Variants in ACACA observed in about 807,000 individuals in gnomAD.
ACACA encodes the protein acetyl-CoA carboxylase 1.
ACACA carries 103 observed loss-of-function variants against 296.1 expected under a neutral mutation model. That is an observed-to-expected ratio of 0.35 (90% CI 0.30 to 0.41). The LOEUF (loss-of-function observed/expected upper bound fraction) is 0.41, where lower values mean the gene tolerates loss of function less well. Among genes scored for constraint, ACACA ranks in the 10% least tolerant of loss-of-function variants. ACACA has a pLI of 1.00. For synonymous variants in ACACA, 953 were observed against 1,038.6 expected (o/e 0.92, Z 1.58); for missense variants, 1,554 against 2,989.7 (o/e 0.52, Z 11.20).
intron 50 of ACACA, 68 bp downstream of exon 50, chr17:37,121,287 A>G: frequency 6.2e-7 from 1 of 1,607,722 alleles, no homozygotes; most frequent in Non-Finnish European, 8.5e-7. Context: ...CTGAATCTAT[A>G]CCCTCCCTCT....
intron 28 of ACACA, among the ~76,000 whole-genome samples, chr17:37,222,940 TA>T (rs1567839515): frequency 6.6e-6 from 1 of 152,218 alleles, no homozygotes; most frequent in Non-Finnish European, 1.5e-5. Flanking sequence ...CTCTTCCACT[TA>T]TTATCTATGT....
intron 1 of ACACA, among the ~76,000 whole-genome samples, chr17:37,348,808 G>A (rs1050645794): frequency 6.6e-6 from 1 of 151,730 alleles, no homozygotes; most frequent in Non-Finnish European, 1.5e-5. Flanking sequence ...AATTAGCCGG[G>A]GGTGGTGGTG....
intron 39 of ACACA, among the ~76,000 whole-genome samples, chr17:37,186,365 A>G (rs1376078585): frequency 6.6e-6 from 1 of 152,216 alleles, no homozygotes; most frequent in Non-Finnish European, 1.5e-5. Flanking sequence ...ATTGTGATGT[A>G]AATTTCTTGA....
chr17:37,374,293 T>TC (rs2049914306), intron 1 of ACACA, among the ~76,000 whole-genome samples: 1 of 151,296 alleles, frequency 6.6e-6, no homozygotes, highest in African/African-American at 2.4e-5. Flanking sequence ...TCTTTTCTTT[T>TC]TTTTTTTTTT....
chr17:37,088,754 T>C (rs574946963), intron 55 of ACACA, among the ~76,000 whole-genome samples, 184 bp downstream of exon 55: 1 of 152,178 alleles, frequency 6.6e-6, no homozygotes, highest in African/African-American at 2.4e-5. Context: ...TGGGGAGCAG[T>C]AGCTGAAAAA....
chr17:37,304,973 T>C (rs2083803709), intron 3 of ACACA, among the ~76,000 whole-genome samples: 1 of 152,114 alleles, frequency 6.6e-6, no homozygotes, highest in Non-Finnish European at 1.5e-5. Flanking sequence ...TTTTTAAAAA[T>C]TATTTAAACA....
intron 45 of ACACA, among the ~76,000 whole-genome samples, chr17:37,148,101 G>A (rs976844827): frequency 2.0e-5 from 3 of 151,542 alleles, no homozygotes; most frequent in Admixed American, 2.0e-4. Flanking sequence ...GGTTTTTAAA[G>A]TACCATTATC....
intron 1 of ACACA, among the ~76,000 whole-genome samples, chr17:37,345,056 C>T (rs901249531): frequency 3.3e-5 from 5 of 152,112 alleles, no homozygotes; most frequent in African/African-American, 9.7e-5. Context: ...TTTCCCTAAT[C>T]GTCACCTTCC....
chr17:37,311,477 G>C (rs1304782231), intron 3 of ACACA, among the ~76,000 whole-genome samples: 1 of 151,530 alleles, frequency 6.6e-6, no homozygotes, highest in Non-Finnish European at 1.5e-5. Context: ...ATGAGAAGGA[G>C]AATACAGATA....
At chr17:37,223,288 CT>C (rs1478308863) in intron 28 of ACACA, among the ~76,000 whole-genome samples, 1 of 152,186 alleles carries the variant, frequency 6.6e-6, no homozygotes, top group Non-Finnish European at 1.5e-5. Flanking sequence ...ATGCTGGCAG[CT>C]ATTTTCCTGT....
intron 1 of ACACA, among the ~76,000 whole-genome samples, chr17:37,370,484 TAAAAAAAAAA>T (rs772679026): frequency 8.8e-4 from 67 of 76,288 alleles, no homozygotes; most frequent in Middle Eastern, 0.014. Flanking sequence ...TAGTCTCTAC[TAAAAAAAAAA>T]AAAAAAAAAA....
At chr17:37,181,435 C>A in intron 39 of ACACA, 79 bp from the exon 40 acceptor site, 1 of 1,486,660 alleles carries the variant, frequency 6.7e-7, no homozygotes, top group Non-Finnish European at 9.4e-7. Context: ...TTTTTTTGCA[C>A]AAATATTATC....
intron 1 of ACACA, among the ~76,000 whole-genome samples, chr17:37,390,318 A>ATCTATATATATATC (rs1485561896): frequency 1.9e-5 from 1 of 52,272 alleles, no homozygotes; most frequent in African/African-American, 1.1e-4. Context: ...ATATATATAT[A>ATCTATATATATATC]TATATATATA....
Position 37,406,474 on chromosome 17 carries a change from G to T in ACACA, c.-175C>A. 1 of 511,600 alleles carries T rather than the reference G, an allele frequency of 2.0e-6. No homozygotes were observed. The highest frequency in any genetic ancestry group is 3.2e-6 in the Non-Finnish European group (1 of 311,984). The allele number at this position is 511,600 out of a possible 1,614,324, so 31.7% of individuals were successfully genotyped here. A position where few individuals can be genotyped will look rare whatever the true frequency, so the allele number is the denominator to read the frequency against. On this transcript the variant is annotated 5_prime_UTR_variant, in exon 1 of 56. Coordinates refer to ENST00000616317, the MANE Select transcript of ACACA (RefSeq NM_198834.3). ...CCTTCGGGGCCCGGACTGGAGAGGC[G>T]CCACGGCTCGCCGTCCCTGGGCCCA...
intron 3 of ACACA, chr17:37,301,449 C>T: frequency 3.1e-6 from 3 of 978,282 alleles, no homozygotes; most frequent in Non-Finnish European, 2.4e-6. Flanking sequence ...CCAAGGATGA[C>T]GTAGCAGTTT....
intron 45 of ACACA, chr17:37,144,056 G>A: frequency 1.3e-6 from 1 of 768,070 alleles, no homozygotes; most frequent in Non-Finnish European, 2.4e-6. Context: ...TCCCCTTCAG[G>A]AGGGACGTAG....
intron 28 of ACACA, among the ~76,000 whole-genome samples, chr17:37,222,227 A>C (rs2079328209): frequency 6.6e-6 from 1 of 152,210 alleles, no homozygotes; most frequent in South Asian, 2.1e-4. Flanking sequence ...AGAGGTGCTG[A>C]TTTTGAGCCA....
At chr17:37,330,522 G>A (rs1165020209) in intron 2 of ACACA, 97 bp from the exon 3 acceptor site, 20 of 1,496,898 alleles carry the variant, frequency 1.3e-5, no homozygotes, top group Non-Finnish European at 1.8e-5. Flanking sequence ...TAGCTGAGAC[G>A]TGGAAGCAAG....
chr17:37,128,466 CT>C (rs1173602321), intron 47 of ACACA, among the ~76,000 whole-genome samples: 3 of 152,172 alleles, frequency 2.0e-5, no homozygotes, highest in African/African-American at 7.2e-5. Context: ...AATAAAATAC[CT>C]TCTGCAATCT....
Sources: gnomAD v4.1 joint callset for allele counts (sites outside exome capture counted in the v4.1 genomes callset) on GRCh38, gnomAD v4.1.1 for gene constraint, MANE v1.5 for transcripts, NCBI Gene and HGNC (gene_info 2026-07-23, HGNC 2026-07-21) for gene names.